MYO3B: variants seen among roughly 807,000 people sequenced by gnomAD.
The protein encoded by MYO3B is myosin-IIIb.
A neutral mutation model predicts 174.6 loss-of-function variants in MYO3B; 156 were observed. The ratio of observed to expected loss-of-function variants is 0.89; its 90% CI spans 0.78 to 1.02. MYO3B has a LOEUF of 1.02. MYO3B is among the 50% of genes least tolerant of loss of function. The pLI is 0.00. For missense variants in MYO3B, 1,632 were observed against 1,639.4 expected, an observed-to-expected ratio of 1.00 and a Z score of 0.08; for synonymous variants, 563 against 569.1, an observed-to-expected ratio of 0.99 and a Z score of 0.15.
At chr2:170,322,234 A>G (rs1057016894) in intron 7 of MYO3B, among the ~76,000 whole-genome samples, 1 of 152,152 alleles carries the variant, frequency 6.6e-6, no homozygotes, top group African/African-American at 2.4e-5. Context: ...TCTACGAAAT[A>G]AACACTTATC....
intron 15 of MYO3B, 45 bp downstream of exon 15, chr2:170,391,663 A>G (rs942531786): frequency 3.6e-6 from 4 of 1,124,546 alleles, no homozygotes; most frequent in Middle Eastern, 2.0e-4. Context: ...TGAATGTACG[A>G]TTAGCAGTTG....
chr2:170,467,855 A>G (rs896209084), intron 25 of MYO3B, among the ~76,000 whole-genome samples: 8 of 149,322 alleles, frequency 5.4e-5, no homozygotes, highest in African/African-American at 2.0e-4. Context: ...AGAGCTTTTA[A>G]ATTAAAAATA....
intron 7 of MYO3B, among the ~76,000 whole-genome samples, chr2:170,324,941 G>T (rs914157041): frequency 6.6e-6 from 1 of 152,076 alleles, no homozygotes; most frequent in African/African-American, 2.4e-5. Context: ...ACCCCAGCAG[G>T]TGGTCTTATG....
At chr2:170,466,463 G>A (rs770713591) in intron 24 of MYO3B, 43 bp from the exon 25 acceptor site, 2 of 1,586,914 alleles carry the variant, frequency 1.3e-6, no homozygotes, top group South Asian at 1.1e-5. Flanking sequence ...TATCCATTGT[G>A]TTGGTGGTAA....
chr2:170,439,231 G>A (rs2094780963), intron 22 of MYO3B, among the ~76,000 whole-genome samples: 1 of 151,674 alleles, frequency 6.6e-6, no homozygotes, highest in Non-Finnish European at 1.5e-5. Flanking sequence ...AATTAGACGG[G>A]CATGCTGGTG....
chr2:170,447,290 C>T (rs964101753), intron 23 of MYO3B, among the ~76,000 whole-genome samples: 18 of 152,180 alleles, frequency 1.2e-4, no homozygotes, highest in Non-Finnish European at 2.2e-4. Context: ...AGTACTCTAA[C>T]GATGTTTGAG....
At chr2:170,414,818 AT>A (rs1558978972) in intron 22 of MYO3B, among the ~76,000 whole-genome samples, 1 of 152,170 alleles carries the variant, frequency 6.6e-6, no homozygotes. Context: ...ATAATGAAGT[AT>A]TTCAGTTTAT....
rs536662811 is a variant in MYO3B at position 170,313,430 on chromosome 2, T to G, written c.750-21955T>G. Among the ~76,000 whole-genome samples, 24 of 152,272 alleles carry G rather than the reference T, an allele frequency of 1.6e-4. No homozygotes were observed. In the South Asian group the frequency reaches 5.0e-3, roughly 32 times the overall value. Reference sequence around the variant, plus strand: ...GTTGGGGTTAACCTTAGAAAAATGATTCCAGATGAAGAGAGGGAAAAACCT... The same window carrying G: ...GTTGGGGTTAACCTTAGAAAAATGAGTCCAGATGAAGAGAGGGAAAAACCT... On this transcript the variant is annotated intron_variant, in intron 7 of 34. Transcript: ENST00000408978.
intron 22 of MYO3B, among the ~76,000 whole-genome samples, chr2:170,427,850 A>C (rs1417501501): frequency 6.6e-6 from 1 of 152,206 alleles, no homozygotes; most frequent in Non-Finnish European, 1.5e-5. Context: ...GAGTACTTTC[A>C]GAGACCCAAT....
intron 7 of MYO3B, among the ~76,000 whole-genome samples, chr2:170,306,776 T>C (rs1313527953): frequency 6.6e-6 from 1 of 152,158 alleles, no homozygotes; most frequent in Non-Finnish European, 1.5e-5. Flanking sequence ...AGATGATTAT[T>C]GTAGGGAAAA....
intron 32 of MYO3B, among the ~76,000 whole-genome samples, chr2:170,613,758 A>G (rs1184209392): frequency 6.6e-6 from 1 of 152,178 alleles, no homozygotes; most frequent in Non-Finnish European, 1.5e-5. Context: ...CAGGCAGAAA[A>G]ATGTGAAAGG....
chr2:170,530,719 T>A (rs1278664233), intron 30 of MYO3B, among the ~76,000 whole-genome samples: 1 of 152,204 alleles, frequency 6.6e-6, no homozygotes, highest in African/African-American at 2.4e-5. Flanking sequence ...ACTGTGCTTT[T>A]TTCTCCAAGG....
chr2:170,485,904 A>G (rs1336560728), intron 25 of MYO3B, among the ~76,000 whole-genome samples: 1 of 152,200 alleles, frequency 6.6e-6, no homozygotes, highest in African/African-American at 2.4e-5. Context: ...TAAATCACTG[A>G]TTCTCCAACC....
intron 6 of MYO3B, among the ~76,000 whole-genome samples, chr2:170,227,649 T>C (rs1280951011): frequency 6.6e-6 from 1 of 152,118 alleles, no homozygotes; most frequent in African/African-American, 2.4e-5. Flanking sequence ...CATATGACAT[T>C]CTCAAGGACA....
At chr2:170,420,184 C>G (rs942600925) in intron 22 of MYO3B, among the ~76,000 whole-genome samples, 1 of 151,826 alleles carries the variant, frequency 6.6e-6, no homozygotes, top group Non-Finnish European at 1.5e-5. Flanking sequence ...GGGAGACAGT[C>G]TCAAAAAACA....
At chr2:170,268,216 T>C (rs936762850) in intron 7 of MYO3B, among the ~76,000 whole-genome samples, 1 of 151,954 alleles carries the variant, frequency 6.6e-6, no homozygotes, top group African/African-American at 2.4e-5. Context: ...ACAAAGGATA[T>C]ATAAAAGAGA....
At chr2:170,471,771 C>A (rs1273040080) in intron 25 of MYO3B, among the ~76,000 whole-genome samples, 1 of 152,080 alleles carries the variant, frequency 6.6e-6, no homozygotes, top group Non-Finnish European at 1.5e-5. Context: ...GCGGGTGGAT[C>A]ACCTGAGGTT....
intron 7 of MYO3B, among the ~76,000 whole-genome samples, chr2:170,316,801 T>A (rs1416324258): frequency 6.6e-6 from 1 of 152,222 alleles, no homozygotes; most frequent in African/African-American, 2.4e-5. Flanking sequence ...GTCCCAATTG[T>A]TGTAATGTGG....
chr2:170,612,035 A>G (rs1695155303), intron 32 of MYO3B, among the ~76,000 whole-genome samples: 1 of 152,234 alleles, frequency 6.6e-6, no homozygotes, highest in African/African-American at 2.4e-5. Context: ...TTCATAGAAC[A>G]ACAGTGGACT....
Sources: gnomAD v4.1 joint callset for allele counts (sites outside exome capture counted in the v4.1 genomes callset) on GRCh38, gnomAD v4.1.1 for gene constraint, MANE v1.5 for transcripts, NCBI Gene and HGNC (gene_info 2026-07-23, HGNC 2026-07-21) for gene names.